TMEM131L: variants seen among roughly 807,000 people sequenced by gnomAD.
TMEM131L encodes transmembrane 131 like, also known as transmembrane protein 131-like.
Under a neutral mutation model 192.2 loss-of-function variants are expected in TMEM131L, and 54 were observed. The observed-to-expected ratio is 0.28, with a 90% CI of 0.23 to 0.35. The LOEUF (loss-of-function observed/expected upper bound fraction) is 0.35. TMEM131L is among the 10% of genes least tolerant of loss of function. The pLI, the probability that TMEM131L is intolerant of heterozygous loss-of-function variation, is 1.00. For synonymous variants in TMEM131L, 701 were observed against 704.9 expected, an observed-to-expected ratio of 0.99 and a Z score of 0.09; for missense variants, 1,888 against 1,972.9, an observed-to-expected ratio of 0.96 and a Z score of 0.82.
chr4:153,483,956 G>A (rs1580038422), intron 3 of TMEM131L, among the ~76,000 whole-genome samples: 1 of 152,288 alleles, frequency 6.6e-6, no homozygotes, highest in South Asian at 2.1e-4. Flanking sequence ...ATCGGCAGCA[G>A]TATTAATTCT....
At chr4:153,568,974 G>A (rs1002672660) in intron 7 of TMEM131L, among the ~76,000 whole-genome samples, 1 of 152,240 alleles carries the variant, frequency 6.6e-6, no homozygotes, top group South Asian at 2.1e-4. Context: ...GGGAAGTTTG[G>A]GTCTGAAGGA....
intron 7 of TMEM131L, among the ~76,000 whole-genome samples, chr4:153,575,361 A>C (rs1274204574): frequency 6.6e-6 from 1 of 152,298 alleles, no homozygotes; most frequent in East Asian, 1.9e-4. Context: ...AGGAGTTTTA[A>C]CATTTCTATT....
chr4:153,587,744 A>G lies in TMEM131L; in HGVS notation c.1485A>G (p.Glu495=). 6.2e-7 allele frequency: 1 copy of G among 1,605,526 alleles called. No individual in the cohort carries two copies. The highest frequency in any genetic ancestry group is 8.5e-7 in the Non-Finnish European group (1 of 1,172,202). ...TCATATATTACTTTTCAATCTAGGA[A>G]GGGAGTCTGGGTTTTGAAGTGATAG... ...PLQIYSAPTK[E]GSLGFEVIAH... The change falls in exon 15 of 35, where the codon GAA becomes GAG. Residue 495 remains glutamate (E), a splice_region_variant and synonymous_variant. Transcript: ENST00000409959.
intron 6 of TMEM131L, among the ~76,000 whole-genome samples, chr4:153,557,592 T>C (rs1041768936): frequency 2.0e-5 from 3 of 152,160 alleles, no homozygotes; most frequent in Non-Finnish European, 4.4e-5. Flanking sequence ...TTCTCAGAAA[T>C]AGGAATCTTT....
intron 3 of TMEM131L, among the ~76,000 whole-genome samples, chr4:153,537,455 G>A (rs1259645536): frequency 6.6e-6 from 1 of 152,216 alleles, no homozygotes; most frequent in African/African-American, 2.4e-5. Flanking sequence ...AGGGCTGCTG[G>A]TTGCCCATTT....
chr4:153,636,533 A>G lies in TMEM131L; in HGVS notation c.4790A>G (p.Asn1597Ser), dbSNP rs2126966307. The G allele has an allele frequency of 6.2e-7, 1 of 1,614,172 alleles. No individual in the cohort carries two copies. Among genetic ancestry groups the G allele is most frequent in the Admixed American group, 1.7e-5 (1 of 60,028 alleles). Residue 1597 changes from asparagine (N) to serine (S), a missense_variant, in exon 35 of 35, where the codon AAT (asparagine) becomes AGT (serine). Transcript: ENST00000409959. ...IWTTTANRNA[N>S]FPLSRDSSYC... ...ACTACCACAGCGAATAGGAATGCAAATTTCCCACTGTCTAGAGACTCGAGT... is the reference window on the plus strand; with the variant it reads ...ACTACCACAGCGAATAGGAATGCAAGTTTCCCACTGTCTAGAGACTCGAGT...
chr4:153,564,762 A>T (rs1370587808), intron 7 of TMEM131L, among the ~76,000 whole-genome samples: 1 of 152,112 alleles, frequency 6.6e-6, no homozygotes, highest in Non-Finnish European at 1.5e-5. Context: ...TGGTGATGTC[A>T]TGTTACACAA....
At chr4:153,615,800 G>A (rs943970117) in intron 26 of TMEM131L, among the ~76,000 whole-genome samples, 2 of 152,138 alleles carry the variant, frequency 1.3e-5, no homozygotes, top group African/African-American at 2.4e-5. Flanking sequence ...AACCTAAGAT[G>A]GCCCTAAGGA....
Position 153,636,496 on chromosome 4 carries a change from C to T in TMEM131L, c.4753C>T (p.Leu1585=), listed in dbSNP as rs756616488. 2 of 1,614,056 alleles carry T rather than the reference C, an allele frequency of 1.2e-6. No homozygotes were observed. The highest frequency in any genetic ancestry group is 3.3e-5 in the Admixed American group (2 of 60,008). The change falls in exon 35 of 35, where the codon CTG becomes TTG. Residue 1585 remains leucine (L), a synonymous_variant. Coordinates refer to ENST00000409959, the MANE Select transcript of TMEM131L (RefSeq NM_001131007.2). ...GFNPFRAYMN[L]DIWTTTANRN... ...CAACCCGTTTCGCGCCTATATGAAC[C>T]TGGACATATGGACTACCACAGCGAA...
At chr4:153,519,381 G>T (rs1227937842) in intron 3 of TMEM131L, among the ~76,000 whole-genome samples, 1 of 152,154 alleles carries the variant, frequency 6.6e-6, no homozygotes, top group Non-Finnish European at 1.5e-5. Flanking sequence ...AAATCCAGAT[G>T]GACGAATCTT....
At chr4:153,608,629 G>C (rs1031761152) in intron 25 of TMEM131L, among the ~76,000 whole-genome samples, 2 of 152,138 alleles carry the variant, frequency 1.3e-5, no homozygotes, top group Admixed American at 1.3e-4. Flanking sequence ...AGTTTTCACT[G>C]AATTACATTC....
Position 153,588,901 on chromosome 4 carries a change from T to G in TMEM131L, c.1564T>G (p.Trp522Gly), listed in dbSNP as rs980043928. The G allele has an allele frequency of 1.3e-6, 2 of 1,567,462 alleles. No homozygotes were observed. The highest frequency in any genetic ancestry group is 2.7e-5 in the African/African-American group (2 of 73,974). Residue 522 changes from tryptophan to glycine, a missense_variant, in exon 16 of 35, where the codon TGG becomes GGG. By Grantham distance (184) the Trp-to-Gly change is radical. Coordinates refer to ENST00000409959, the MANE Select transcript of TMEM131L (RefSeq NM_001131007.2). ...MGKSKAGNPN[W>G]NGSLSLDQST... ...GATCTAACTTTTAGGAAATCCTAATTGGAATGGGAGCCTTTCTCTGGATCA... is the reference window on the plus strand; with the variant it reads ...GATCTAACTTTTAGGAAATCCTAATGGGAATGGGAGCCTTTCTCTGGATCA...
chr4:153,617,732 G>A (rs1733090833), intron 26 of TMEM131L, among the ~76,000 whole-genome samples: 1 of 152,170 alleles, frequency 6.6e-6, no homozygotes, highest in African/African-American at 2.4e-5. Context: ...CCATTTCCTA[G>A]TGCTTATGCA....
At position 153,495,099 on chromosome 4, in the gene TMEM131L, G is replaced by A. The variant is rs139544069; in HGVS notation, c.239+21211G>A. Reference sequence around the variant, plus strand: ...GGGAGGCCGAGGCGGTGGATCATCTGAGGTCAGTAGTTTGAGATCAGCCTT... The same window carrying A: ...GGGAGGCCGAGGCGGTGGATCATCTAAGGTCAGTAGTTTGAGATCAGCCTT... On this transcript the variant is annotated intron_variant, in intron 3 of 34. Coordinates refer to ENST00000409959, the MANE Select transcript of TMEM131L (RefSeq NM_001131007.2). Among the ~76,000 whole-genome samples the A allele has an allele frequency of 6.1e-3, 928 of 152,314 alleles. 11 individuals carry two copies. Among genetic ancestry groups the A allele is most frequent in the African/African-American group, 0.022 (901 of 41,556 alleles).
intron 6 of TMEM131L, among the ~76,000 whole-genome samples, chr4:153,557,981 G>C (rs928712428): frequency 3.3e-5 from 5 of 152,168 alleles, no homozygotes; most frequent in Non-Finnish European, 5.9e-5. Flanking sequence ...ATGTTGGCCA[G>C]GCTGGTCTCA....
At position 153,546,909 on chromosome 4, in the gene TMEM131L, A is replaced by G. The variant is rs530321967; in HGVS notation, c.240-3164A>G. ...GCTATTGCGCTCCAACGTGGGCAAC[A>G]AGAGTGAAACTCTGTCTCAAAAAAA... is the stretch of plus-strand genomic sequence containing the variant. On this transcript the variant is annotated intron_variant, in intron 3 of 34. Coordinates refer to ENST00000409959, the MANE Select transcript of TMEM131L (RefSeq NM_001131007.2). Among the ~76,000 whole-genome samples, 45 of 152,376 alleles carry G rather than the reference A, an allele frequency of 3.0e-4. 1 individual carries two copies. Among genetic ancestry groups the G allele is most frequent in the Middle Eastern group, 6.8e-3 (2 of 294 alleles).
intron 3 of TMEM131L, among the ~76,000 whole-genome samples, chr4:153,491,693 A>G (rs1331512711): frequency 6.6e-6 from 1 of 151,570 alleles, no homozygotes; most frequent in Non-Finnish European, 1.5e-5. Flanking sequence ...ACTTTTTTAG[A>G]GTGTGGGTTT....
At chr4:153,563,509 C>G (rs1410576650) in intron 7 of TMEM131L, among the ~76,000 whole-genome samples, 2 of 133,624 alleles carry the variant, frequency 1.5e-5, no homozygotes, top group Non-Finnish European at 3.1e-5. Context: ...GCTCTGTCAC[C>G]TAGGCTGGAG....
chr4:153,623,506 A>G (rs1005481977), intron 29 of TMEM131L, among the ~76,000 whole-genome samples: 3 of 152,026 alleles, frequency 2.0e-5, no homozygotes, highest in Admixed American at 6.6e-5. Flanking sequence ...ATAACTCTGC[A>G]TTGCTCCCTC....
Sources: gnomAD v4.1 joint callset for allele counts (sites outside exome capture counted in the v4.1 genomes callset) on GRCh38, gnomAD v4.1.1 for gene constraint, MANE v1.5 for transcripts, NCBI Gene and HGNC (gene_info 2026-07-23, HGNC 2026-07-21) for gene names.